Variants in GRIP2 observed in about 807,000 individuals in gnomAD.
The protein encoded by GRIP2 is glutamate receptor interacting protein 2.
Under a neutral mutation model 108.3 loss-of-function variants are expected in GRIP2, and 58 were observed. The observed-to-expected ratio is 0.54, with a 90% CI of 0.43 to 0.67. The LOEUF is 0.67. Among genes scored for constraint, GRIP2 ranks in the 30% least tolerant of loss-of-function variants. The pLI is 0.00. For missense variants in GRIP2, 1,278 were observed against 1,430.6 expected (o/e 0.89, Z 1.72); for synonymous variants, 586 against 598.2 (o/e 0.98, Z 0.30).
chr3:14,517,132 G>A lies in GRIP2; in HGVS notation c.1238C>T (p.Ser413Phe). 2 of 1,610,676 alleles carry A rather than the reference G, an allele frequency of 1.2e-6. No individual in the cohort carries two copies. The highest frequency in any genetic ancestry group is 1.7e-6 in the Non-Finnish European group (2 of 1,178,750). The change falls in exon 11 of 24, where the codon TCC becomes TTC. Residue 413 changes from serine (S) to phenylalanine (F), a missense_variant. Ser to Phe is a radical substitution (Grantham distance 155). Transcript: ENST00000621039. ...TGTAGTTCGAGGACTCATGGGCTGG[G>A]ATCCACGGGGAAGGGTGCTGGGGTT... ...CNNPSTLPRGSQPMSPRTTMG... is the reference protein window; with the variant it reads ...CNNPSTLPRGFQPMSPRTTMG...
At position 14,512,787 on chromosome 3, in the gene GRIP2, G is replaced by A. The variant is rs1250838605; in HGVS notation, c.1710C>T (p.Ile570=). ...LPKKRSVELG[I]TISSASRKRG... ...CGGGAGGAGACTCACAGCTGATGGT[G>A]ATGCCCAGCTCCACGCTGCGCTTCT... is the stretch of plus-strand genomic sequence containing the variant. Residue 570 remains isoleucine (I), a synonymous_variant, in exon 14 of 24, where the codon ATC becomes ATT. Coordinates refer to ENST00000621039, the MANE Select transcript of GRIP2 (RefSeq NM_001080423.4). This position sits in a 1 kb window ranked among gnomAD's most constrained non-coding sequence, Gnocchi z 5.1. The A allele has an allele frequency of 6.2e-7, 1 of 1,613,492 alleles. No individual in the cohort carries two copies. The highest frequency in any genetic ancestry group is 1.7e-5 in the Admixed American group (1 of 60,024).
At chr3:14,524,344 C>A (rs746564412) in intron 4 of GRIP2, 49 bp downstream of exon 4, 23 of 1,577,780 alleles carry the variant, frequency 1.5e-5, no homozygotes, top group Non-Finnish European at 1.8e-5. Context: ...TAGCCGTGTC[C>A]ACCCGCAACC....
At chr3:14,540,439 C>T, upstream of GRIP2, 1 of 1,585,188 alleles carries the variant, frequency 6.3e-7, no homozygotes, top group Non-Finnish European at 8.6e-7. This position sits in a 1 kb window ranked among gnomAD's most constrained non-coding sequence, Gnocchi z 4.1. Context: ...CCGAGTCCAC[C>T]CACTGCAGCG....
Position 14,511,252 on chromosome 3 carries a change from T to C in GRIP2, c.1846A>G (p.Asn616Asp), listed in dbSNP as rs760508288. Reference sequence around the variant, plus strand: ...TGCACGGCGTCCTCCATGGGGCAGTTGTCCAGGCGGATATTGTCAATGGCC... The same window carrying C: ...TGCACGGCGTCCTCCATGGGGCAGTCGTCCAGGCGGATATTGTCAATGGCC... The part of the protein sequence containing the change: ...LLAIDNIRLD[N>D]CPMEDAVQIL... Residue 616 changes from asparagine (N) to aspartate (D), a missense_variant, in exon 16 of 24, where the codon AAC becomes GAC. Physicochemically the swap from Asn to Asp is conservative, Grantham distance 23. Coordinates refer to ENST00000621039, the MANE Select transcript of GRIP2 (RefSeq NM_001080423.4). This position sits in a 1 kb window ranked among gnomAD's most constrained non-coding sequence, Gnocchi z 4.1. 6 of 1,613,872 alleles carry C rather than the reference T, an allele frequency of 3.7e-6. No homozygotes were observed. In the East Asian group the frequency reaches 6.7e-5, roughly 18 times the overall value.
Position 14,505,751 on chromosome 3 carries a change from G to C in GRIP2, c.2437C>G (p.Pro813Ala). ...TPQAAARGTT[P>A]QERRPGWLRG... The stretch of plus-strand genomic sequence containing the variant: ...AGCCAGCCAGGCCTCCGCTCCTGGG[G>C]GGTCGTGCCCCGGGCTGCTGCCTGT... The change falls in exon 20 of 24, where the codon CCC becomes GCC. Residue 813 changes from proline (P) to alanine (A), a missense_variant. By Grantham distance (27) the Pro-to-Ala change is conservative. Transcript: ENST00000621039. The surrounding 1 kb of genome is among the most constrained non-coding windows in gnomAD (Gnocchi z 4.2). 1 of 1,579,044 alleles carries C rather than the reference G, an allele frequency of 6.3e-7. No homozygotes were observed. Among genetic ancestry groups the C allele is most frequent in the Non-Finnish European group, 8.6e-7 (1 of 1,162,320 alleles).
At chr3:14,508,969 G>A (rs1391402429) in intron 17 of GRIP2, among the ~76,000 whole-genome samples, 1 of 152,204 alleles carries the variant, frequency 6.6e-6, no homozygotes, top group South Asian at 2.1e-4. Context: ...CCAGCAACCA[G>A]GACAGAGGGG....
intron 12 of GRIP2, 121 bp downstream of exon 12, chr3:14,514,171 G>C: frequency 1.1e-6 from 1 of 941,134 alleles, no homozygotes; most frequent in Non-Finnish European, 1.6e-6. Flanking sequence ...GTAAAATGGG[G>C]CTGGTGCTGG....
intron 11 of GRIP2, among the ~76,000 whole-genome samples, chr3:14,516,522 T>G (rs542363290): frequency 6.6e-6 from 1 of 152,380 alleles, no homozygotes; most frequent in East Asian, 1.9e-4. Context: ...TCTATTGATT[T>G]ACTTTTCTTA....
chr3:14,587,021 G>A, the GRIP2 span, among the ~76,000 whole-genome samples: 1 of 152,210 alleles, frequency 6.6e-6, no homozygotes. Context: ...GGGGGCAGGT[G>A]GAGGATGATT....
the GRIP2 span, among the ~76,000 whole-genome samples, chr3:14,582,465 TC>T: frequency 6.6e-6 from 1 of 152,164 alleles, no homozygotes; most frequent in Admixed American, 6.5e-5. Flanking sequence ...ACCAAGTCTT[TC>T]TAGCTTGGAT....
At chr3:14,518,602 T>C (rs1272211882) in intron 9 of GRIP2, among the ~76,000 whole-genome samples, 1 of 152,142 alleles carries the variant, frequency 6.6e-6, no homozygotes, top group Non-Finnish European at 1.5e-5. Context: ...CTGGCCACCA[T>C]ACAACACCTC....
At chr3:14,560,759 C>T (rs896045894), upstream of GRIP2, among the ~76,000 whole-genome samples, 54 of 152,218 alleles carry the variant, frequency 3.5e-4, no homozygotes, top group African/African-American at 1.3e-3. Flanking sequence ...CCAATACATT[C>T]CCTTCTTTGT....
chr3:14,540,955 G>C (rs542575280), upstream of GRIP2, among the ~76,000 whole-genome samples: 14 of 152,338 alleles, frequency 9.2e-5, no homozygotes, highest in East Asian at 2.3e-3. The surrounding 1 kb of genome is among the most constrained non-coding windows in gnomAD (Gnocchi z 4.1). Context: ...ACGTGGAGTG[G>C]CCACCCAGCT....
the GRIP2 span, among the ~76,000 whole-genome samples, chr3:14,562,265 A>G: frequency 1.3e-5 from 2 of 152,118 alleles, no homozygotes; most frequent in Admixed American, 6.5e-5. Context: ...ATGCAATATG[A>G]GCCTTTCTTG....
At chr3:14,500,008 A>T (rs1216534920) in intron 21 of GRIP2, among the ~76,000 whole-genome samples, 1 of 152,202 alleles carries the variant, frequency 6.6e-6, no homozygotes, top group Non-Finnish European at 1.5e-5. Flanking sequence ...TTGGTTTAAG[A>T]TGTGTAGAAA....
At chr3:14,541,890 A>G, upstream of GRIP2, 1 of 1,336,812 alleles carries the variant, frequency 7.5e-7, no homozygotes, top group South Asian at 1.2e-5. Context: ...GGCCACCGGT[A>G]CCCTGGCAGT....
chr3:14,572,481 G>C, the GRIP2 span, among the ~76,000 whole-genome samples: 1 of 150,822 alleles, frequency 6.6e-6, no homozygotes, highest in African/African-American at 2.4e-5. Flanking sequence ...GCGTGGTGGC[G>C]GGCGCCTGTA....
In GRIP2 at chr3:14,521,638, T is replaced by A; in HGVS notation, c.712+4A>T. 1.2e-6 allele frequency: 2 copies of A among 1,601,666 alleles called. No homozygotes were observed. The highest frequency in any genetic ancestry group is 1.7e-6 in the Non-Finnish European group (2 of 1,172,906). ...CAACCCACACACTCAGGCCCCCAAC[T>A]CACCAGGGGTGGCCACATCATACTC... On this transcript the variant is annotated splice_donor_region_variant and intron_variant, in intron 7 of 23. Coordinates refer to ENST00000621039, the MANE Select transcript of GRIP2 (RefSeq NM_001080423.4). The surrounding 1 kb of genome is among the most constrained non-coding windows in gnomAD (Gnocchi z 5.1).
At chr3:14,549,234 A>T (rs1309263245) in intron 1 of GRIP2, among the ~76,000 whole-genome samples, 2 of 152,262 alleles carry the variant, frequency 1.3e-5, no homozygotes, top group Non-Finnish European at 2.9e-5. Context: ...CTAACACTGT[A>T]GTTCAATGCA....
Sources: allele counts gnomAD v4.1 joint callset (sites outside exome capture counted in the v4.1 genomes callset), GRCh38; gene constraint gnomAD v4.1.1; non-coding constraint Gnocchi (gnomAD v3.1); transcripts MANE v1.5; gene names NCBI Gene and HGNC (gene_info 2026-07-23, HGNC 2026-07-21).